PDE3B: variants seen among roughly 807,000 people sequenced by gnomAD.
PDE3B encodes phosphodiesterase 3B.
In PDE3B, 66 loss-of-function variants were observed where a neutral mutation model predicts 116.8. That is an observed-to-expected ratio of 0.56 (90% CI 0.46 to 0.69). The LOEUF (loss-of-function observed/expected upper bound fraction) is 0.69, where lower values mean the gene tolerates loss of function less well. Ranked by LOEUF, PDE3B falls within the 30% of genes least tolerant of loss-of-function variation. The pLI is 0.00. For missense variants in PDE3B, 1,384 were observed against 1,368.1 expected, an observed-to-expected ratio of 1.01 and a Z score of -0.18; for synonymous variants, 595 against 533.6, an observed-to-expected ratio of 1.12 and a Z score of -1.59.
Position 14,644,751 on chromosome 11 carries a change from G to A in PDE3B, c.676G>A (p.Ala226Thr), listed in dbSNP as rs557061319. 1.3e-6 allele frequency: 2 copies of A among 1,589,024 alleles called. No homozygotes were observed. The highest frequency in any genetic ancestry group is 1.3e-5 in the African/African-American group (1 of 74,722). Residue 226 changes from alanine (A) to threonine (T), a missense_variant, in exon 1 of 16, where the codon GCC (alanine) becomes ACC (threonine). Coordinates refer to ENST00000282096, the MANE Select transcript of PDE3B (RefSeq NM_000922.4). ...LRHCVLVLLL[A>T]SFVWWVSFTS... is the part of the protein sequence containing the mutation. ...GCACTGCGTTCTGGTGCTGCTCCTGGCCAGCTTCGTCTGGTGGGTCTCCTT... is the reference window on the plus strand; with the variant it reads ...GCACTGCGTTCTGGTGCTGCTCCTGACCAGCTTCGTCTGGTGGGTCTCCTT...
At chr11:14,699,525 G>C (rs1855303604) in intron 1 of PDE3B, among the ~76,000 whole-genome samples, 1 of 151,716 alleles carries the variant, frequency 6.6e-6, no homozygotes, top group African/African-American at 2.4e-5. Flanking sequence ...AAAGAATTTA[G>C]GTTTTCTAAC....
intron 1 of PDE3B, among the ~76,000 whole-genome samples, chr11:14,757,090 A>G (rs1857211438): frequency 6.6e-6 from 1 of 151,772 alleles, no homozygotes; most frequent in South Asian, 2.1e-4. Context: ...ACTGAGAATG[A>G]TGATTTCCAG....
chr11:14,682,959 C>T (rs1242748470), intron 1 of PDE3B, among the ~76,000 whole-genome samples: 8 of 145,592 alleles, frequency 5.5e-5, no homozygotes, highest in African/African-American at 1.0e-4. Context: ...TTTTTTGAGA[C>T]GGAGTTTGGC....
chr11:14,804,058 A>C lies in PDE3B; in HGVS notation c.1522+8A>C. The C allele has an allele frequency of 6.8e-7, 1 of 1,465,462 alleles. No individual in the cohort carries two copies. The allele number at this position is 1,465,462 out of a possible 1,614,324, so 90.8% of individuals were successfully genotyped here. ...TAGGTCTCAGAAGAGCTGGTAAGAA[A>C]TCATTCTTTATGACTCAAATATGGG... On this transcript the variant is annotated splice_region_variant and intron_variant, in intron 5 of 15. Transcript: ENST00000282096.
intron 2 of PDE3B, among the ~76,000 whole-genome samples, chr11:14,785,891 A>G (rs1244867857): frequency 6.6e-6 from 1 of 152,146 alleles, no homozygotes; most frequent in East Asian, 1.9e-4. Flanking sequence ...GCTTTAAATC[A>G]TACATTATAC....
intron 2 of PDE3B, chr11:14,775,828 C>T (rs1366691463): frequency 6.6e-6 from 1 of 152,342 alleles, no homozygotes; most frequent in Non-Finnish European, 1.5e-5. Flanking sequence ...TAAGAGACCA[C>T]ACTTGGCCAT....
At chr11:14,808,944 A>C (rs941319981) in intron 5 of PDE3B, among the ~76,000 whole-genome samples, 1 of 152,222 alleles carries the variant, frequency 6.6e-6, no homozygotes, top group African/African-American at 2.4e-5. Flanking sequence ...TTTGAATTGC[A>C]CTAGATTCGA....
chr11:14,841,228 T>C (rs1159442487), intron 11 of PDE3B, among the ~76,000 whole-genome samples: 3 of 151,772 alleles, frequency 2.0e-5, no homozygotes, highest in Admixed American at 2.0e-4. Flanking sequence ...GAATATCAGC[T>C]CTTCCTTGGG....
intron 2 of PDE3B, among the ~76,000 whole-genome samples, chr11:14,781,902 T>A (rs1322056494): frequency 1.3e-5 from 2 of 152,102 alleles, no homozygotes; most frequent in Non-Finnish European, 2.9e-5. Flanking sequence ...TGATTGTATA[T>A]CTAGAAAACC....
intron 5 of PDE3B, among the ~76,000 whole-genome samples, chr11:14,805,146 G>T (rs1404206069): frequency 6.6e-6 from 1 of 152,112 alleles, no homozygotes; most frequent in Non-Finnish European, 1.5e-5. Flanking sequence ...TTCATAAAGT[G>T]CAGTGAACCC....
At chr11:14,673,557 A>G in intron 1 of PDE3B, 2 of 502,508 alleles carry the variant, frequency 4.0e-6, no homozygotes, top group Admixed American at 2.6e-5. Flanking sequence ...ACAGAGATCC[A>G]AACATAAGTG....
At position 14,789,252 on chromosome 11, in the gene PDE3B, G is replaced by A; in HGVS notation, c.1415+10G>A. On this transcript the variant is annotated intron_variant, in intron 4 of 15. Transcript: ENST00000282096. ...AATTTGGCATTTCAAGGTAAAATCT[G>A]CAGAGCCTTTTAAGAAACTTGAATC... The A allele has an allele frequency of 6.3e-7, 1 of 1,592,662 alleles. No individual in the cohort carries two copies. The highest frequency in any genetic ancestry group is 2.2e-5 in the East Asian group (1 of 44,550).
At chr11:14,880,679 A>T in the PDE3B span, 1 of 1,595,366 alleles carries the variant, frequency 6.3e-7, no homozygotes. Flanking sequence ...GATTCAAAAG[A>T]CTTTTGGCCA....
intron 1 of PDE3B, among the ~76,000 whole-genome samples, chr11:14,674,927 T>A (rs186665857): frequency 5.3e-5 from 8 of 152,308 alleles, no homozygotes; most frequent in Admixed American, 4.6e-4. Flanking sequence ...CTAATTTTTT[T>A]ATTATTTTTA....
At chr11:14,727,069 C>A (rs546257950) in intron 1 of PDE3B, among the ~76,000 whole-genome samples, 2 of 152,126 alleles carry the variant, frequency 1.3e-5, no homozygotes, top group Non-Finnish European at 2.9e-5. Context: ...TTACCTTTCT[C>A]CTCAAACCTA....
At position 14,861,338 on chromosome 11, in the gene PDE3B, A is replaced by G. The variant is rs540244822; in HGVS notation, c.2858A>G (p.Glu953Gly). The change falls in exon 14 of 16, where the codon GAA becomes GGA. Residue 953 changes from glutamate (E) to glycine (G), a missense_variant. Coordinates refer to ENST00000282096, the MANE Select transcript of PDE3B (RefSeq NM_000922.4). ...KVRDLHLKWT[E>G]GIVNEFYEQG... ...CGAGACTTGCATTTGAAATGGACAG[A>G]AGGCATTGTCAATGAATTTTATGAG... The G allele has an allele frequency of 2.5e-5, 40 of 1,613,624 alleles. No individual in the cohort carries two copies. Among genetic ancestry groups the G allele is most frequent in the Non-Finnish European group, 3.4e-5 (40 of 1,179,740 alleles).
intron 1 of PDE3B, among the ~76,000 whole-genome samples, chr11:14,744,327 A>G (rs1856848751): frequency 6.6e-6 from 1 of 152,192 alleles, no homozygotes; most frequent in Non-Finnish European, 1.5e-5. Context: ...TCTGCAAAAA[A>G]AGTCATTGGG....
At chr11:14,737,512 T>A (rs1234641551) in intron 1 of PDE3B, among the ~76,000 whole-genome samples, 1 of 152,208 alleles carries the variant, frequency 6.6e-6, no homozygotes, top group Non-Finnish European at 1.5e-5. Context: ...GCTGCCTTCT[T>A]TAATCAAACT....
chr11:14,885,920 T>C, the PDE3B span: 1 of 1,613,028 alleles, frequency 6.2e-7, no homozygotes, highest in Non-Finnish European at 8.5e-7. Context: ...CTGAAGATCT[T>C]TGAGAAGAGA....
Sources: allele counts gnomAD v4.1 joint callset (sites outside exome capture counted in the v4.1 genomes callset), GRCh38; gene constraint gnomAD v4.1.1; transcripts MANE v1.5; gene names NCBI Gene and HGNC (gene_info 2026-07-23, HGNC 2026-07-21).